USP34: variants seen among roughly 807,000 people sequenced by gnomAD.
The protein encoded by USP34 is ubiquitin carboxyl-terminal hydrolase 34.
In USP34, 70 loss-of-function variants were observed where a neutral mutation model predicts 460.3. The ratio of observed to expected loss-of-function variants is 0.15; its 90% CI spans 0.13 to 0.19. The LOEUF (loss-of-function observed/expected upper bound fraction) is 0.19. Among genes scored for constraint, USP34 ranks in the 10% least tolerant of loss-of-function variants. The pLI, the probability that USP34 is intolerant of heterozygous loss-of-function variation, is 1.00. For missense variants in USP34, 3,985 were observed against 4,236.2 expected (o/e 0.94, Z 1.65); for synonymous variants, 1,647 against 1,405.3 (o/e 1.17, Z -3.85).
chr2:61,448,883 A>G (rs1695191538), intron 1 of USP34, among the ~76,000 whole-genome samples: 1 of 152,208 alleles, frequency 6.6e-6, no homozygotes, highest in Non-Finnish European at 1.5e-5. Context: ...GGCCGGATAC[A>G]GTGGCTCATG....
intron 17 of USP34, 26 bp downstream of exon 17, chr2:61,339,540 T>C: frequency 3.2e-6 from 5 of 1,564,562 alleles, no homozygotes; most frequent in Non-Finnish European, 8.6e-7. Context: ...AATTTCTTAC[T>C]CTTCTGGTTC....
intron 10 of USP34, among the ~76,000 whole-genome samples, chr2:61,352,306 A>G (rs912227061): frequency 6.6e-6 from 1 of 151,884 alleles, no homozygotes; most frequent in Non-Finnish European, 1.5e-5. Context: ...ACATATATAC[A>G]TGTTTATATA....
At chr2:61,292,382 T>C (rs1689884451) in intron 33 of USP34, among the ~76,000 whole-genome samples, 1 of 152,176 alleles carries the variant, frequency 6.6e-6, no homozygotes. Context: ...TTGGGCATTA[T>C]AAAGCTACAA....
At chr2:61,352,933 T>TA (rs1260177344) in intron 10 of USP34, among the ~76,000 whole-genome samples, 3 of 152,190 alleles carry the variant, frequency 2.0e-5, no homozygotes, top group Non-Finnish European at 4.4e-5. Flanking sequence ...AATCCATTAC[T>TA]ATACCAAGAC....
chr2:61,305,936 GT>G (rs549904368), intron 27 of USP34, among the ~76,000 whole-genome samples: 277 of 152,116 alleles, frequency 1.8e-3, no homozygotes, highest in African/African-American at 6.5e-3. Flanking sequence ...TGATGGGGTT[GT>G]TTTTTTCTTG....
chr2:61,264,669 G>A (rs1161463376), intron 43 of USP34, among the ~76,000 whole-genome samples: 8 of 152,004 alleles, frequency 5.3e-5, no homozygotes, highest in South Asian at 4.2e-4. Flanking sequence ...AAATCCAAGA[G>A]CAAGTATAAA....
At chr2:61,362,963 C>T (rs530021081) in intron 10 of USP34, among the ~76,000 whole-genome samples, 82 of 152,076 alleles carry the variant, frequency 5.4e-4, no homozygotes, top group East Asian at 1.2e-3. Flanking sequence ...AATTATATAC[C>T]TGATTTTAAA....
Position 61,214,434 on chromosome 2 carries a change from G to A in USP34, c.8308C>T (p.Leu2770=). 6.2e-7 allele frequency: 1 copy of A among 1,614,204 alleles called. No homozygotes were observed. Among genetic ancestry groups the A allele is most frequent in the Non-Finnish European group, 8.5e-7 (1 of 1,180,036 alleles). The change falls in exon 68 of 80, where the codon CTG becomes TTG. Residue 2770 remains leucine, a synonymous_variant. Coordinates refer to ENST00000398571, the MANE Select transcript of USP34 (RefSeq NM_014709.4). ...TYCLISKTEK[L]MFSTYFMDLW... Reference sequence around the variant, plus strand: ...TCCATGAAATATGTGGAAAACATCAGCTTCTCAGTTTTGGAAATTAAACAG... The same window carrying A: ...TCCATGAAATATGTGGAAAACATCAACTTCTCAGTTTTGGAAATTAAACAG...
At chr2:61,440,815 G>C (rs992799374) in intron 1 of USP34, among the ~76,000 whole-genome samples, 1 of 151,132 alleles carries the variant, frequency 6.6e-6, no homozygotes. Flanking sequence ...ACCACACCCG[G>C]CCTACTTTTT....
chr2:61,285,660 A>G (rs1441007852), intron 34 of USP34, among the ~76,000 whole-genome samples: 2 of 152,182 alleles, frequency 1.3e-5, no homozygotes, highest in Admixed American at 6.5e-5. Context: ...GGGTTGGTGA[A>G]TAATTAAACA....
chr2:61,392,400 G>C (rs1693376576), intron 5 of USP34, among the ~76,000 whole-genome samples: 1 of 152,184 alleles, frequency 6.6e-6, no homozygotes, highest in Non-Finnish European at 1.5e-5. Flanking sequence ...GAGGTGGGCG[G>C]ATCACAGGAG....
Position 61,192,972 on chromosome 2 carries a change from C to T in USP34, c.9517G>A (p.Val3173Ile). The change falls in exon 76 of 80, where the codon GTT becomes ATT. Residue 3173 changes from valine to isoleucine, a missense_variant. Coordinates refer to ENST00000398571, the MANE Select transcript of USP34 (RefSeq NM_014709.4). ...TETLVKLSVL[V>I]AYEGLPLHLA... Reference sequence around the variant, plus strand: ...TGAAGTGGCAAACCTTCATAGGCAACTAGGACACCTAATATTTGAAAAGAA... The same window carrying T: ...TGAAGTGGCAAACCTTCATAGGCAATTAGGACACCTAATATTTGAAAAGAA... 1 of 1,613,280 alleles carries T rather than the reference C, an allele frequency of 6.2e-7. No individual in the cohort carries two copies. The highest frequency in any genetic ancestry group is 8.5e-7 in the Non-Finnish European group (1 of 1,179,440).
At chr2:61,424,840 T>C (rs1694464625) in intron 1 of USP34, among the ~76,000 whole-genome samples, 2 of 152,014 alleles carry the variant, frequency 1.3e-5, no homozygotes, top group South Asian at 4.2e-4. Flanking sequence ...AGCCACTGAA[T>C]TTTTTTTGAG....
At chr2:61,256,809 C>G (rs1688735041) in intron 47 of USP34, 64 bp downstream of exon 47, 1 of 1,285,982 alleles carries the variant, frequency 7.8e-7, no homozygotes, top group East Asian at 2.5e-5. Flanking sequence ...ATGACCAACA[C>G]AAACCCGCTA....
At chr2:61,349,912 G>C (rs1047392473) in intron 12 of USP34, among the ~76,000 whole-genome samples, 5 of 151,680 alleles carry the variant, frequency 3.3e-5, no homozygotes, top group Non-Finnish European at 7.4e-5. Context: ...AAACTTTGAA[G>C]CAGAAAACAC....
chr2:61,259,271 T>C (rs1688807408), intron 44 of USP34, among the ~76,000 whole-genome samples: 2 of 151,560 alleles, frequency 1.3e-5, no homozygotes, highest in Non-Finnish European at 2.9e-5. Flanking sequence ...AATAAATAAA[T>C]AAATAAATAA....
chr2:61,225,495 C>T (rs937930828), intron 62 of USP34, among the ~76,000 whole-genome samples: 3 of 151,822 alleles, frequency 2.0e-5, no homozygotes, highest in African/African-American at 7.3e-5. Flanking sequence ...TATAATTATA[C>T]ATTTATATGA....
intron 22 of USP34, 150 bp from the exon 23 acceptor site, chr2:61,317,917 A>G: frequency 1.7e-6 from 1 of 604,400 alleles, no homozygotes; most frequent in East Asian, 3.0e-5. Context: ...AAAATATATA[A>G]TAATTTTGCT....
At chr2:61,259,385 C>T (rs928453822) in intron 44 of USP34, among the ~76,000 whole-genome samples, 3 of 151,854 alleles carry the variant, frequency 2.0e-5, no homozygotes, top group African/African-American at 7.3e-5. Flanking sequence ...ATTTGTTTCC[C>T]TCCATGTTTC....
Sources: allele counts gnomAD v4.1 joint callset (sites outside exome capture counted in the v4.1 genomes callset), GRCh38; gene constraint gnomAD v4.1.1; transcripts MANE v1.5; gene names NCBI Gene and HGNC (gene_info 2026-07-23, HGNC 2026-07-21).